Variants in PNPLA7 observed in about 807,000 individuals in gnomAD.
PNPLA7 encodes the protein patatin-like phospholipase domain-containing protein 7.
PNPLA7 carries 153 observed loss-of-function variants against 161.7 expected under a neutral mutation model. The ratio of observed to expected loss-of-function variants is 0.95; its 90% CI spans 0.83 to 1.08. The LOEUF is 1.08. Ranked by LOEUF, PNPLA7 falls within the 50% of genes least tolerant of loss-of-function variation. The probability of loss-of-function intolerance (pLI) is 0.00; values close to 1 mark genes in which losing one functional copy is unlikely to be tolerated. For missense variants in PNPLA7, 1,739 were observed against 1,856.6 expected (o/e 0.94, Z 1.16); for synonymous variants, 809 against 782.1 (o/e 1.03, Z -0.57).
rs543789264 is a variant in PNPLA7 at position 137,483,703 on chromosome 9, C to G, written c.2347+884G>C. On this transcript the variant is annotated intron_variant, in intron 21 of 34. Coordinates refer to ENST00000406427, the MANE Select transcript of PNPLA7 (RefSeq NM_001098537.3). ...AACTCCTGACCTCAAGTGATCCACC[C>G]GCCTCGGCCTCCCAAAGTGCTGGGA... 2.8e-4 allele frequency among the ~76,000 whole-genome samples: 42 copies of G among 152,058 alleles called. 1 individual carries two copies. The highest frequency in any genetic ancestry group is 1.9e-3 in the South Asian group (9 of 4,808).
chr9:137,467,206 G>C lies in PNPLA7; in HGVS notation c.3039+111C>G. On this transcript the variant is annotated intron_variant, in intron 26 of 34. Transcript: ENST00000406427. The surrounding 1 kb of genome is among the most constrained non-coding windows in gnomAD (Gnocchi z 5.1). ...GGAGGCTTCAGGGGGTAGCCTCCTC[G>C]AGGGCAGGGCCCTGCAGAGCCACAT... The C allele has an allele frequency of 7.1e-7, 1 of 1,399,194 alleles. No individual in the cohort carries two copies. Among genetic ancestry groups the C allele is most frequent in the South Asian group, 1.5e-5 (1 of 67,706 alleles). The allele number at this position is 1,399,194 out of a possible 1,614,324, so 86.7% of individuals were successfully genotyped here.
chr9:137,466,021 C>A (rs1400578126), intron 26 of PNPLA7, among the ~76,000 whole-genome samples: 2 of 152,166 alleles, frequency 1.3e-5, no homozygotes, highest in Non-Finnish European at 2.9e-5. Context: ...TTACATCTCC[C>A]CCGTGACACT....
chr9:137,481,805 G>C (rs1031507446), intron 21 of PNPLA7, among the ~76,000 whole-genome samples: 1 of 152,128 alleles, frequency 6.6e-6, no homozygotes. Context: ...GTGTGGTGGC[G>C]GGCGCCTGTA....
rs1419720515 is a variant in PNPLA7, at chr9:137,504,063, AAAGAAGAAGGAAG to A, written c.1473+1538_1473+1550del. 1.1e-3 allele frequency among the ~76,000 whole-genome samples: 140 copies of A among 131,810 alleles called. 5 individuals carry two copies. In the East Asian group the frequency reaches 0.017, roughly 16 times the overall value. 86.5% of individuals were successfully genotyped at this position (131,810 alleles called of 152,430 possible). A position where few individuals can be genotyped will look rare whatever the true frequency, so the allele number is the denominator to read the frequency against. On this transcript the variant is annotated intron_variant, in intron 14 of 34. Transcript: ENST00000406427. ...AGAAGAAAGAAGAAGGAAGAAGAAG[AAAGAAGAAGGAAG>A]AAGAAGAAGGAAGAAGAAGGAAGAA...
chr9:137,534,507 CT>C (rs1302397367), intron 8 of PNPLA7, among the ~76,000 whole-genome samples: 3 of 152,246 alleles, frequency 2.0e-5, no homozygotes, highest in Non-Finnish European at 2.9e-5. Flanking sequence ...ACTCCTCCCC[CT>C]CCTCCAACCC....
In PNPLA7 at chr9:137,546,078, G is replaced by A. The variant is rs574852563; in HGVS notation, c.273+752C>T. ...GCTTCAGTGGTCACGCTCCTAGTCC[G>A]CCTTCATGTTCCATCCTGTACACCT... On this transcript the variant is annotated intron_variant, in intron 4 of 34. Transcript: ENST00000406427. 8.4e-4 allele frequency among the ~76,000 whole-genome samples: 128 copies of A among 152,234 alleles called. 1 individual carries two copies. The highest frequency in any genetic ancestry group is 3.4e-3 in the Middle Eastern group (1 of 294).
chr9:137,488,273 AT>A (rs1344037943), intron 20 of PNPLA7, among the ~76,000 whole-genome samples: 1 of 151,946 alleles, frequency 6.6e-6, no homozygotes, highest in African/African-American at 2.4e-5. Context: ...ATGTGGATTT[AT>A]TTTTATTTTT....
At chr9:137,465,916 G>A (rs1831440937) in intron 26 of PNPLA7, among the ~76,000 whole-genome samples, 1 of 152,148 alleles carries the variant, frequency 6.6e-6, no homozygotes, top group South Asian at 2.1e-4. Flanking sequence ...TGCTGCCCGA[G>A]GGGAGCCTGT....
In PNPLA7 at chr9:137,467,298, G is replaced by A; in HGVS notation, c.3039+19C>T. The A allele has an allele frequency of 6.2e-7, 1 of 1,605,856 alleles. No homozygotes were observed. The highest frequency in any genetic ancestry group is 8.5e-7 in the Non-Finnish European group (1 of 1,176,122). On this transcript the variant is annotated intron_variant, in intron 26 of 34. Coordinates refer to ENST00000406427, the MANE Select transcript of PNPLA7 (RefSeq NM_001098537.3). The surrounding 1 kb of genome is among the most constrained non-coding windows in gnomAD (Gnocchi z 5.1). ...ACCTGGGGGCTGTGCTCCGGTGAGG[G>A]TGATGGGTGCCTGCTTACCTCGGCC...
At chr9:137,542,487 T>C (rs575366906) in intron 7 of PNPLA7, among the ~76,000 whole-genome samples, 155 bp downstream of exon 7, 1 of 152,178 alleles carries the variant, frequency 6.6e-6, no homozygotes, top group East Asian at 1.9e-4. Context: ...CTAAATAAAA[T>C]GTAATAAAAA....
chr9:137,478,083 C>A lies in PNPLA7; in HGVS notation c.2833G>T (p.Val945Leu). The A allele has an allele frequency of 2.9e-6, 4 of 1,398,668 alleles. No individual in the cohort carries two copies. The highest frequency in any genetic ancestry group is 1.7e-5 in the South Asian group (1 of 57,930). 86.6% of individuals were successfully genotyped at this position (1,398,668 alleles called of 1,614,324 possible). A position where few individuals can be genotyped will look rare whatever the true frequency, so the allele number is the denominator to read the frequency against. ...AGGGCAATGGCGTTGCCCGTCAGCA[C>A]CCTCGCCAGGCGGGAGAAGTCTGAG... is the stretch of plus-strand genomic sequence containing the variant. ...RHSDFSRLARVLTGNAIALVL... is the reference protein window; with the variant it reads ...RHSDFSRLARLLTGNAIALVL... Residue 945 changes from valine to leucine, a missense_variant, in exon 25 of 35, where the codon GTG becomes TTG. By Grantham distance (32) the Val-to-Leu change is conservative (BLOSUM62 1). Coordinates refer to ENST00000406427, the MANE Select transcript of PNPLA7 (RefSeq NM_001098537.3).
chr9:137,542,470 C>CA (rs1836257332), intron 7 of PNPLA7, among the ~76,000 whole-genome samples, 172 bp downstream of exon 7: 1 of 152,058 alleles, frequency 6.6e-6, no homozygotes, highest in South Asian at 2.1e-4. Flanking sequence ...GACCCTGTTT[C>CA]AAAAAACTAA....
intron 25 of PNPLA7, among the ~76,000 whole-genome samples, chr9:137,475,692 TAA>T (rs778469178): frequency 4.1e-5 from 6 of 147,516 alleles, no homozygotes; most frequent in African/African-American, 1.5e-4. Flanking sequence ...GTTTTTTTTT[TAA>T]AAAAAAAGAA....
Position 137,464,464 on chromosome 9 carries a change from C to T in PNPLA7, c.3040-8G>A, listed in dbSNP as rs758088071. The stretch of plus-strand genomic sequence containing the variant: ...CATCAAGGACGTCATGCCCTGGGGC[C>T]ACATGTGGAATTTACAGAAGGCTTC... On this transcript the variant is annotated splice_region_variant and splice_polypyrimidine_tract_variant and intron_variant, in intron 26 of 34. Coordinates refer to ENST00000406427, the MANE Select transcript of PNPLA7 (RefSeq NM_001098537.3). 2 of 1,611,940 alleles carry T rather than the reference C, an allele frequency of 1.2e-6. No individual in the cohort carries two copies. The highest frequency in any genetic ancestry group is 2.7e-5 in the African/African-American group (2 of 74,988).
chr9:137,460,558 G>A (rs890339906), intron 34 of PNPLA7, 76 bp downstream of exon 34: 15 of 1,597,194 alleles, frequency 9.4e-6, no homozygotes, highest in Non-Finnish European at 1.2e-5. Flanking sequence ...GGACCACAGG[G>A]AGGGAGTGGC....
At chr9:137,481,751 TC>T (rs1365514718) in intron 21 of PNPLA7, among the ~76,000 whole-genome samples, 1 of 152,088 alleles carries the variant, frequency 6.6e-6, no homozygotes, top group East Asian at 1.9e-4. Context: ...GGTCAGGAGA[TC>T]CGGTGAAACT....
chr9:137,474,102 G>T (rs960646266), intron 25 of PNPLA7, among the ~76,000 whole-genome samples: 2 of 152,132 alleles, frequency 1.3e-5, no homozygotes, highest in Admixed American at 6.5e-5. Flanking sequence ...AGCTGGGTGT[G>T]GTGGTGGGTG....
chr9:137,547,000 G>A (rs1407454773), intron 3 of PNPLA7, 91 bp from the exon 4 acceptor site: 28 of 1,224,730 alleles, frequency 2.3e-5, no homozygotes, highest in African/African-American at 3.0e-5. Flanking sequence ...TCATACTCTC[G>A]TCCCTGCCAG....
intron 12 of PNPLA7, among the ~76,000 whole-genome samples, chr9:137,508,391 C>A (rs2132367929): frequency 6.6e-6 from 1 of 151,254 alleles, no homozygotes; most frequent in East Asian, 2.0e-4. Flanking sequence ...CACGGTGAAA[C>A]CCCGTCTCTA....
Sources: allele counts gnomAD v4.1 joint callset (sites outside exome capture counted in the v4.1 genomes callset), GRCh38; gene constraint gnomAD v4.1.1; non-coding constraint Gnocchi (gnomAD v3.1); transcripts MANE v1.5; gene names NCBI Gene and HGNC (gene_info 2026-07-23, HGNC 2026-07-21).